ZSWIM6: variants seen among roughly 807,000 people sequenced by gnomAD.
ZSWIM6 encodes zinc finger SWIM-type containing 6, also known as zinc finger SWIM domain-containing protein 6.
ZSWIM6 carries 9 observed loss-of-function variants against 113.2 expected under a neutral mutation model. That is an observed-to-expected ratio of 0.08 (90% CI 0.05 to 0.14). The LOEUF is 0.14. ZSWIM6 is among the 10% of genes least tolerant of loss of function. The pLI is 1.00. For missense variants in ZSWIM6, 1,162 were observed against 1,552.2 expected (o/e 0.75, Z 4.22); for synonymous variants, 611 against 606.5 (o/e 1.01, Z -0.11).
intron 1 of ZSWIM6, among the ~76,000 whole-genome samples, chr5:61,411,704 G>A (rs1197404722): frequency 1.3e-5 from 2 of 152,072 alleles, no homozygotes; most frequent in Non-Finnish European, 2.9e-5. Context: ...CCCTTTTCCT[G>A]GTTCCTGGAT....
chr5:61,433,202 T>TC (rs1746622101), intron 1 of ZSWIM6, among the ~76,000 whole-genome samples: 1 of 152,176 alleles, frequency 6.6e-6, no homozygotes, highest in African/African-American at 2.4e-5. Context: ...TACCTTTCAT[T>TC]CCCCCTCTAA....
At chr5:61,473,408 G>A (rs2112185480) in intron 2 of ZSWIM6, among the ~76,000 whole-genome samples, 1 of 152,142 alleles carries the variant, frequency 6.6e-6, no homozygotes, top group Admixed American at 6.5e-5. Flanking sequence ...TTATTTTCCA[G>A]TGCAGGAAAG....
intron 5 of ZSWIM6, among the ~76,000 whole-genome samples, chr5:61,522,691 G>A (rs1277886173): frequency 6.6e-6 from 1 of 152,110 alleles, no homozygotes; most frequent in Admixed American, 6.6e-5. Flanking sequence ...TAATAACTTC[G>A]AAGAAAATAA....
chr5:61,534,962 A>G (rs1749536365), intron 9 of ZSWIM6, among the ~76,000 whole-genome samples: 1 of 152,176 alleles, frequency 6.6e-6, no homozygotes. Flanking sequence ...AGAGGCAACA[A>G]TGTGTATAGT....
chr5:61,425,010 G>A (rs983093438), intron 1 of ZSWIM6, among the ~76,000 whole-genome samples: 7 of 152,002 alleles, frequency 4.6e-5, no homozygotes, highest in South Asian at 2.1e-4. Flanking sequence ...GAGCCACTGC[G>A]CCCGGCACTA....
Position 61,332,594 on chromosome 5 carries a change from C to G in ZSWIM6, c.322C>G (p.Arg108Gly). 1 of 1,337,828 alleles carries G rather than the reference C, an allele frequency of 7.5e-7. No homozygotes were observed. The highest frequency in any genetic ancestry group is 9.9e-7 in the Non-Finnish European group (1 of 1,015,078). 82.9% of individuals were successfully genotyped at this position (1,337,828 alleles called of 1,614,324 possible). ...GCGCATCCCGGAGCCGGTGCAGCGC[C>G]GCATAGTCTATTGGTCCTTCCCCCG... ...FERIPEPVQRRIVYWSFPRSE... is the reference protein window; with the variant it reads ...FERIPEPVQRGIVYWSFPRSE... Residue 108 changes from arginine (R) to glycine (G), a missense_variant, in exon 1 of 14, where the codon CGC becomes GGC. Coordinates refer to ENST00000252744, the MANE Select transcript of ZSWIM6 (RefSeq NM_020928.2).
At chr5:61,504,704 A>G (rs970720001) in intron 4 of ZSWIM6, among the ~76,000 whole-genome samples, 14 of 152,098 alleles carry the variant, frequency 9.2e-5, no homozygotes, top group Admixed American at 8.5e-4. Context: ...ATTTTAGTGG[A>G]CTCTTGATTG....
chr5:61,415,405 C>T (rs972713292), intron 1 of ZSWIM6, among the ~76,000 whole-genome samples: 2 of 152,012 alleles, frequency 1.3e-5, no homozygotes, highest in Non-Finnish European at 2.9e-5. Flanking sequence ...CCATCCTGGC[C>T]AACATATTGA....
chr5:61,422,669 T>G (rs59375059), intron 1 of ZSWIM6, among the ~76,000 whole-genome samples: 21,553 of 152,256 alleles, frequency 0.14, 1,634 homozygotes, highest in Non-Finnish European at 0.17. Flanking sequence ...GTGGACATTT[T>G]AACAATATTG....
chr5:61,417,850 C>T (rs1746286934), intron 1 of ZSWIM6, among the ~76,000 whole-genome samples: 1 of 152,154 alleles, frequency 6.6e-6, no homozygotes, highest in Non-Finnish European at 1.5e-5. Context: ...GCTTCATAAG[C>T]AAACTGTGTG....
At chr5:61,504,632 T>C (rs1036782832) in intron 4 of ZSWIM6, among the ~76,000 whole-genome samples, 1 of 152,240 alleles carries the variant, frequency 6.6e-6, no homozygotes, top group Non-Finnish European at 1.5e-5. Flanking sequence ...ACAAGTATAG[T>C]GCTTAAGTGT....
intron 1 of ZSWIM6, among the ~76,000 whole-genome samples, chr5:61,338,666 G>T (rs546589765): frequency 7.0e-4 from 107 of 152,346 alleles, no homozygotes; most frequent in African/African-American, 2.5e-3. Flanking sequence ...AAATGTTCAA[G>T]AGACAGTGAC....
intron 2 of ZSWIM6, among the ~76,000 whole-genome samples, chr5:61,489,134 T>C (rs886602525): frequency 3.3e-5 from 5 of 152,066 alleles, no homozygotes; most frequent in African/African-American, 9.7e-5. Context: ...ACCATGTTTT[T>C]TCCTGCCTAA....
At chr5:61,414,623 G>A (rs1299087053) in intron 1 of ZSWIM6, among the ~76,000 whole-genome samples, 1 of 152,174 alleles carries the variant, frequency 6.6e-6, no homozygotes, top group African/African-American at 2.4e-5. Context: ...GGGAGGAGAT[G>A]TCCGTCTCCT....
chr5:61,529,569 A>G (rs1390015840), intron 7 of ZSWIM6, among the ~76,000 whole-genome samples: 1 of 152,218 alleles, frequency 6.6e-6, no homozygotes, highest in African/African-American at 2.4e-5. Flanking sequence ...TACATGACCC[A>G]GTTAACACTG....
intron 1 of ZSWIM6, among the ~76,000 whole-genome samples, chr5:61,423,033 C>T (rs909708426): frequency 2.0e-5 from 3 of 151,872 alleles, no homozygotes; most frequent in African/African-American, 7.3e-5. Context: ...CTTTGGATGC[C>T]GTTTCTCTTC....
intron 1 of ZSWIM6, among the ~76,000 whole-genome samples, chr5:61,384,553 T>C (rs1302821733): frequency 6.6e-6 from 1 of 152,136 alleles, no homozygotes; most frequent in Non-Finnish European, 1.5e-5. Flanking sequence ...GTTTAGAAAG[T>C]GTGAAGATGG....
intron 1 of ZSWIM6, among the ~76,000 whole-genome samples, chr5:61,422,570 A>G (rs1023287044): frequency 2.0e-5 from 3 of 152,136 alleles, no homozygotes; most frequent in African/African-American, 7.2e-5. Flanking sequence ...TTCCATACAA[A>G]GTTTAGGATT....
intron 4 of ZSWIM6, among the ~76,000 whole-genome samples, chr5:61,519,353 C>T (rs931299550): frequency 1.3e-5 from 2 of 152,088 alleles, no homozygotes; most frequent in African/African-American, 4.8e-5. Context: ...GCTCAATAAG[C>T]GTTCTCAAGT....
Sources: allele counts gnomAD v4.1 joint callset (sites outside exome capture counted in the v4.1 genomes callset), GRCh38; gene constraint gnomAD v4.1.1; transcripts MANE v1.5; gene names NCBI Gene and HGNC (gene_info 2026-07-23, HGNC 2026-07-21).